TENM3: variants seen among roughly 807,000 people sequenced by gnomAD.
TENM3 encodes teneurin transmembrane protein 3.
In TENM3, 63 loss-of-function variants were observed where a neutral mutation model predicts 255.1. The ratio of observed to expected loss-of-function variants is 0.25; its 90% CI spans 0.20 to 0.30. The LOEUF is 0.30. TENM3 is among the 10% of genes least tolerant of loss of function. TENM3 has a pLI of 1.00. For synonymous variants in TENM3, 1,306 were observed against 1,322.3 expected (o/e 0.99, Z 0.27); for missense variants, 2,929 against 3,461.1 (o/e 0.85, Z 3.86).
chr4:182,076,049 G>A, the TENM3 span, among the ~76,000 whole-genome samples: 74 of 152,116 alleles, frequency 4.9e-4, no homozygotes, highest in Middle Eastern at 6.8e-3. Flanking sequence ...AAGTAGCTGG[G>A]AATACAGATG....
Position 182,182,026 on chromosome 4 carries a change from T to C in TENM3, c.-76+37272T>C, listed in dbSNP as rs544749436. Among the ~76,000 whole-genome samples, 6 of 152,258 alleles carry C rather than the reference T, an allele frequency of 3.9e-5. 1 individual carries two copies. The highest frequency in any genetic ancestry group is 1.4e-4 in the African/African-American group (6 of 41,564). On this transcript the variant is annotated intron_variant, in intron 1 of 2. Coordinates refer to the TENM3 transcript ENST00000512480. ...GATAGAAACAGTTTTCTGACTGATA[T>C]AAGGAAATTCTAGCATGCATTTTTA...
intron 12 of TENM3, among the ~76,000 whole-genome samples, chr4:182,691,468 C>G (rs1757002127): frequency 6.6e-6 from 1 of 152,232 alleles, no homozygotes; most frequent in Non-Finnish European, 1.5e-5. Context: ...TAAACTCTGT[C>G]TATGCTTTCA....
At chr4:182,346,571 T>G (rs957422358) in intron 2 of TENM3, 80 bp from the exon 3 acceptor site, 2 of 1,125,990 alleles carry the variant, frequency 1.8e-6, no homozygotes. Context: ...CTGAAAGACA[T>G]TCTTAAAAAA....
the TENM3 span, among the ~76,000 whole-genome samples, chr4:181,803,541 T>A: frequency 1.3e-5 from 2 of 152,214 alleles, no homozygotes; most frequent in African/African-American, 2.4e-5. Flanking sequence ...TGAGATTTTG[T>A]TAAACTCAAT....
the TENM3 span, among the ~76,000 whole-genome samples, chr4:182,124,198 C>G: frequency 6.6e-6 from 1 of 152,046 alleles, no homozygotes. Flanking sequence ...ACTACAGGCA[C>G]GTGCCACCAT....
chr4:181,835,315 T>C, the TENM3 span, among the ~76,000 whole-genome samples: 2 of 152,230 alleles, frequency 1.3e-5, no homozygotes, highest in African/African-American at 2.4e-5. Flanking sequence ...ATATACCCTA[T>C]TGATATTCTA....
In TENM3 at chr4:182,731,156, G is replaced by A. The variant is rs1350801644; in HGVS notation, c.2967+17G>A. The A allele has an allele frequency of 1.2e-6, 2 of 1,608,564 alleles. No homozygotes were observed. The highest frequency in any genetic ancestry group is 1.7e-4 in the Middle Eastern group (1 of 6,054). ...GAAACACAGGTAAAATATTCTCACAGGCAGTACTTGTAAATACAAGATCTT... is the reference window on the plus strand; with the variant it reads ...GAAACACAGGTAAAATATTCTCACAAGCAGTACTTGTAAATACAAGATCTT... On this transcript the variant is annotated intron_variant, in intron 16 of 27. Transcript: ENST00000511685.
chr4:181,957,764 A>C, the TENM3 span, among the ~76,000 whole-genome samples: 40 of 152,288 alleles, frequency 2.6e-4, no homozygotes, highest in African/African-American at 9.6e-4. Context: ...ATCTGGGTCC[A>C]GTGGTGTACT....
the TENM3 span, among the ~76,000 whole-genome samples, chr4:181,915,343 AC>A: frequency 5.9e-5 from 9 of 152,176 alleles, no homozygotes. Context: ...TGTATTAGAT[AC>A]TTTATTTCAC....
At chr4:181,952,526 A>G in the TENM3 span, among the ~76,000 whole-genome samples, 1 of 152,248 alleles carries the variant, frequency 6.6e-6, no homozygotes, top group Non-Finnish European at 1.5e-5. Flanking sequence ...AAAATGTTGT[A>G]AAGTGATAGA....
At chr4:182,512,039 A>G (rs1737453884) in intron 3 of TENM3, among the ~76,000 whole-genome samples, 1 of 152,166 alleles carries the variant, frequency 6.6e-6, no homozygotes, top group Non-Finnish European at 1.5e-5. Context: ...AGACATTCTC[A>G]TCAAAGGCAT....
intron 3 of TENM3, among the ~76,000 whole-genome samples, chr4:182,502,493 C>T (rs903170310): frequency 6.6e-6 from 1 of 152,104 alleles, no homozygotes; most frequent in Non-Finnish European, 1.5e-5. Flanking sequence ...TTTCTTCTTT[C>T]ACATTTTCTC....
chr4:182,453,639 G>A (rs1376336916), intron 3 of TENM3, among the ~76,000 whole-genome samples: 3 of 152,124 alleles, frequency 2.0e-5, no homozygotes, highest in Admixed American at 6.5e-5. Context: ...ACGATGTGTG[G>A]AAGTTTCAGT....
intron 3 of TENM3, among the ~76,000 whole-genome samples, chr4:182,407,069 T>C (rs1482260818): frequency 6.6e-6 from 1 of 152,196 alleles, no homozygotes; most frequent in Non-Finnish European, 1.5e-5. Flanking sequence ...TATCCATGGT[T>C]CGACTGTAAA....
chr4:181,817,015 C>T, the TENM3 span, among the ~76,000 whole-genome samples: 1 of 152,176 alleles, frequency 6.6e-6, no homozygotes, highest in Non-Finnish European at 1.5e-5. Flanking sequence ...CCAAGTTGCA[C>T]GTGCAAAGTG....
the TENM3 span, among the ~76,000 whole-genome samples, chr4:181,967,643 A>G: frequency 6.6e-6 from 1 of 152,056 alleles, no homozygotes; most frequent in Non-Finnish European, 1.5e-5. Context: ...CTACGGGCTG[A>G]TGATTTCTTC....
chr4:182,716,299 G>C (rs1268580698), intron 13 of TENM3, among the ~76,000 whole-genome samples: 2 of 152,166 alleles, frequency 1.3e-5, no homozygotes, highest in South Asian at 4.1e-4. Flanking sequence ...GAGTAATTTA[G>C]GGGCTAATCA....
At chr4:182,383,367 G>C (rs1042809234) in intron 3 of TENM3, among the ~76,000 whole-genome samples, 3 of 152,136 alleles carry the variant, frequency 2.0e-5, no homozygotes, top group Admixed American at 2.0e-4. Flanking sequence ...AGAAGGTGGA[G>C]GCCTAGTCAA....
At chr4:182,570,058 C>A (rs556489046) in intron 3 of TENM3, among the ~76,000 whole-genome samples, 15 of 152,244 alleles carry the variant, frequency 9.9e-5, no homozygotes, top group Admixed American at 5.9e-4. Flanking sequence ...GAACATATTT[C>A]TTTTGGACAG....
Sources: allele counts gnomAD v4.1 joint callset (sites outside exome capture counted in the v4.1 genomes callset), GRCh38; gene constraint gnomAD v4.1.1; transcripts MANE v1.5; gene names NCBI Gene and HGNC (gene_info 2026-07-23, HGNC 2026-07-21).